Variants in KLF8 observed in about 807,000 individuals in gnomAD.
KLF8 encodes Krueppel-like factor 8.
Under a neutral mutation model 18.2 loss-of-function variants are expected in KLF8, and 10 were observed. The ratio of observed to expected loss-of-function variants is 0.55; its 90% CI spans 0.34 to 0.93. KLF8 has a LOEUF of 0.93. Among genes scored for constraint, KLF8 ranks in the 40% least tolerant of loss-of-function variants. The pLI is 0.02. For missense variants in KLF8, 264 were observed against 277.9 expected, an observed-to-expected ratio of 0.95 and a Z score of 0.36; for synonymous variants, 109 against 97.3, an observed-to-expected ratio of 1.12 and a Z score of -0.71.
At chrX:56,254,835 G>A (rs1466601424) in intron 2 of KLF8, among the ~76,000 whole-genome samples, 1 of 111,019 alleles carries the variant, frequency 9.0e-6, no homozygotes, top group Non-Finnish European at 1.9e-5. Context: ...GGGTTTTTAT[G>A]GGCACAGGAT....
chrX:55,962,232 C>T, the KLF8 span: 1 of 179,441 alleles, frequency 5.6e-6, no homozygotes, highest in Admixed American at 6.1e-5. Context: ...AAAAGCATGG[C>T]CAACCACATC....
the KLF8 span, among the ~76,000 whole-genome samples, chrX:56,015,340 T>A: frequency 9.0e-6 from 1 of 111,222 alleles, no homozygotes; most frequent in African/African-American, 3.3e-5. Context: ...CCATCAGCAG[T>A]ATTGGAAAAT....
At chrX:56,105,710 T>G in the KLF8 span, among the ~76,000 whole-genome samples, 1 of 111,493 alleles carries the variant, frequency 9.0e-6, no homozygotes, top group African/African-American at 3.3e-5. Flanking sequence ...CACATTTGCA[T>G]TTAAGGTTAA....
At chrX:56,186,045 T>G in the KLF8 span, among the ~76,000 whole-genome samples, 1 of 112,138 alleles carries the variant, frequency 8.9e-6, no homozygotes, top group Non-Finnish European at 1.9e-5. Context: ...TAAATGTAAA[T>G]GCACTAAATG....
At chrX:55,924,660 A>G in the KLF8 span, among the ~76,000 whole-genome samples, 1 of 110,428 alleles carries the variant, frequency 9.1e-6, no homozygotes, top group Non-Finnish European at 1.9e-5. Flanking sequence ...AGACTTTATT[A>G]TTACTTCATT....
intron 1 of KLF8, among the ~76,000 whole-genome samples, chrX:56,235,014 G>C (rs991533702): frequency 3.6e-5 from 4 of 111,547 alleles, no homozygotes; most frequent in Non-Finnish European, 7.5e-5. Context: ...CTCTTGTTTA[G>C]ACTTTTCAGG....
At chrX:55,923,705 C>CGTGTGTGTGT in the KLF8 span, among the ~76,000 whole-genome samples, 218 of 98,308 alleles carry the variant, frequency 2.2e-3, 2 homozygotes, top group African/African-American at 7.9e-3. Context: ...TAAAGATCCA[C>CGTGTGTGTGT]GTGTGTGTGT....
intron 5 of KLF8, among the ~76,000 whole-genome samples, chrX:56,282,216 C>A (rs2067210939): frequency 8.9e-6 from 1 of 112,451 alleles, no homozygotes; most frequent in Non-Finnish European, 1.9e-5. Context: ...CCTTCCAGAT[C>A]TTTCCTCCTT....
the KLF8 span, among the ~76,000 whole-genome samples, chrX:55,995,880 G>C: frequency 9.0e-6 from 1 of 110,972 alleles, no homozygotes; most frequent in Non-Finnish European, 1.9e-5. Context: ...TAGTATCTTG[G>C]AGGGTTTGTC....
At chrX:55,921,184 A>G in the KLF8 span, among the ~76,000 whole-genome samples, 1 of 112,382 alleles carries the variant, frequency 8.9e-6, no homozygotes, top group Middle Eastern at 4.6e-3. Flanking sequence ...ATAAGAAAAA[A>G]TCCCATTAAT....
At chrX:56,052,740 C>A in the KLF8 span, among the ~76,000 whole-genome samples, 8 of 112,123 alleles carry the variant, frequency 7.1e-5, no homozygotes, top group African/African-American at 2.6e-4. Flanking sequence ...TGCCCTGCCC[C>A]CAGAGGTGTA....
chrX:56,012,154 C>G, the KLF8 span, among the ~76,000 whole-genome samples: 5 of 111,646 alleles, frequency 4.5e-5, no homozygotes, highest in Non-Finnish European at 9.4e-5. Context: ...CAACAAAAAA[C>G]AAAAACTTCA....
the KLF8 span, among the ~76,000 whole-genome samples, chrX:56,175,029 G>A: frequency 4.5e-5 from 5 of 110,588 alleles, no homozygotes; most frequent in African/African-American, 1.6e-4. Flanking sequence ...CAATTTTGGT[G>A]ATCCCTTCAA....
At chrX:56,125,770 G>A in the KLF8 span, among the ~76,000 whole-genome samples, 1 of 111,734 alleles carries the variant, frequency 8.9e-6, no homozygotes, top group African/African-American at 3.3e-5. Flanking sequence ...AACGGGTTTA[G>A]GGTGTGATAT....
the KLF8 span, among the ~76,000 whole-genome samples, chrX:56,202,750 A>T: frequency 9.0e-6 from 1 of 110,899 alleles, no homozygotes; most frequent in African/African-American, 3.3e-5. Flanking sequence ...GTTGCAAATG[A>T]CTGAATATCA....
At chrX:55,963,387 G>A in the KLF8 span, among the ~76,000 whole-genome samples, 4 of 111,315 alleles carry the variant, frequency 3.6e-5, no homozygotes, top group African/African-American at 1.3e-4. Flanking sequence ...CACATCATGA[G>A]TTAGGTGGCA....
At chrX:56,096,212 G>A in the KLF8 span, among the ~76,000 whole-genome samples, 5 of 111,463 alleles carry the variant, frequency 4.5e-5, no homozygotes, top group Admixed American at 9.6e-5. Context: ...CAAATACTAC[G>A]TATTCTCACT....
At chrX:56,081,299 G>A in the KLF8 span, among the ~76,000 whole-genome samples, 2 of 111,744 alleles carry the variant, frequency 1.8e-5, no homozygotes, top group Middle Eastern at 4.6e-3. Context: ...GGTCTTTGAT[G>A]ATGGTGATGT....
chrX:56,273,072 TTTTC>T (rs2067077139), intron 5 of KLF8, among the ~76,000 whole-genome samples: 1 of 111,995 alleles, frequency 8.9e-6, no homozygotes, highest in Non-Finnish European at 1.9e-5. Flanking sequence ...TAGAGTTTTC[TTTTC>T]TTTCTTTTAA....
Sources: gnomAD v4.1 joint callset for allele counts (sites outside exome capture counted in the v4.1 genomes callset) on GRCh38, gnomAD v4.1.1 for gene constraint, MANE v1.5 for transcripts, NCBI Gene and HGNC (gene_info 2026-07-23, HGNC 2026-07-21) for gene names.